Variants in CUX1 observed in about 807,000 individuals in gnomAD.
The protein encoded by CUX1 is cut like homeobox 1, also known as protein CASP.
CUX1 carries 31 observed loss-of-function variants against 158.8 expected under a neutral mutation model. That is an observed-to-expected ratio of 0.20 (90% CI 0.15 to 0.26). The LOEUF is 0.26. CUX1 is among the 10% of genes least tolerant of loss of function. The pLI, the probability that CUX1 is intolerant of heterozygous loss-of-function variation, is 1.00. For synonymous variants in CUX1, 879 were observed against 862.1 expected (o/e 1.02, Z -0.34); for missense variants, 1,589 against 2,014.6 (o/e 0.79, Z 4.04).
In CUX1 at chr7:102,248,336, G is replaced by T. The variant is rs1801045156; in HGVS notation, c.3888-76G>T. 1 of 1,352,020 alleles carries T rather than the reference G, an allele frequency of 7.4e-7. No homozygotes were observed. The highest frequency in any genetic ancestry group is 2.8e-5 in the East Asian group (1 of 35,744). The allele number at this position is 1,352,020 out of a possible 1,614,324, so 83.8% of individuals were successfully genotyped here. The stretch of plus-strand genomic sequence containing the variant: ...CGGAGCAGGAGCCCCAGAGAGAGGG[G>T]TCTGGCTGGGGTAGCACCAGAGGCC... On this transcript the variant is annotated intron_variant, in intron 23 of 23. Transcript: ENST00000292535. The surrounding 1 kb of genome is among the most constrained non-coding windows in gnomAD (Gnocchi z 5.8).
At chr7:102,139,518 G>A (rs1340797208) in intron 8 of CUX1, among the ~76,000 whole-genome samples, 1 of 152,196 alleles carries the variant, frequency 6.6e-6, no homozygotes, top group African/African-American at 2.4e-5. Flanking sequence ...TTTCCAGCCA[G>A]GCATGGTGGC....
At chr7:101,938,955 C>T (rs1307178042) in intron 2 of CUX1, among the ~76,000 whole-genome samples, 2 of 149,740 alleles carry the variant, frequency 1.3e-5, no homozygotes, top group African/African-American at 2.5e-5. Flanking sequence ...GCAGGAGAAT[C>T]GCTTGAACCT....
Position 102,195,503 on chromosome 7 carries a change from C to G in CUX1, c.1126-4C>G. 2 of 1,610,396 alleles carry G rather than the reference C, an allele frequency of 1.2e-6. No individual in the cohort carries two copies. The highest frequency in any genetic ancestry group is 1.7e-4 in the Middle Eastern group (1 of 6,012). Reference sequence around the variant, plus strand: ...CAGTGAGACCCCCGCTCTGCCCCTTCTAGGATGCGGCCAAGCCCCTGGAGG... The same window carrying G: ...CAGTGAGACCCCCGCTCTGCCCCTTGTAGGATGCGGCCAAGCCCCTGGAGG... On this transcript the variant is annotated splice_polypyrimidine_tract_variant and splice_region_variant and intron_variant, in intron 13 of 23. Coordinates refer to ENST00000292535, the MANE Select transcript of CUX1 (RefSeq NM_181552.4).
At chr7:102,219,921 C>T (rs1797640761) in intron 20 of CUX1, among the ~76,000 whole-genome samples, 2 of 152,208 alleles carry the variant, frequency 1.3e-5, no homozygotes, top group African/African-American at 4.8e-5. Flanking sequence ...CTGCTGGATT[C>T]AGAAGCAAGG....
chr7:101,940,257 G>A (rs1364856230), intron 2 of CUX1, among the ~76,000 whole-genome samples: 1 of 136,214 alleles, frequency 7.3e-6, no homozygotes, highest in Admixed American at 7.3e-5. Context: ...AAAAAAAAAA[G>A]AGGAGGTTTT....
chr7:102,219,837 GT>G, intron 20 of CUX1, among the ~76,000 whole-genome samples: 1 of 152,240 alleles, frequency 6.6e-6, no homozygotes, highest in Non-Finnish European at 1.5e-5. Context: ...AATACTGTAG[GT>G]TTTTATATGG....
rs568676700 is a variant in CUX1 at position 102,253,434 on chromosome 7, C to T, written c.*4392C>T. 2.0e-6 allele frequency: 2 copies of T among 985,486 alleles called. No individual in the cohort carries two copies. The highest frequency in any genetic ancestry group is 9.4e-5 in the South Asian group (2 of 21,292). The allele number at this position is 985,486 out of a possible 1,614,324, so 61.0% of individuals were successfully genotyped here. A position where few individuals can be genotyped will look rare whatever the true frequency, so the allele number is the denominator to read the frequency against. On this transcript the variant is annotated 3_prime_UTR_variant, in exon 24 of 24. Transcript: ENST00000292535. ...AGGGGAACAGGAGTCCCCAGGTGAG[C>T]TCTCTGACGGGCAGGTGCCTTCCCG...
chr7:101,897,061 C>T (rs1173584345), intron 1 of CUX1, among the ~76,000 whole-genome samples: 1 of 152,204 alleles, frequency 6.6e-6, no homozygotes, highest in Non-Finnish European at 1.5e-5. Flanking sequence ...TCAGCCAGCA[C>T]CCATTTACTC....
At chr7:102,045,406 C>T (rs1822632442) in intron 3 of CUX1, among the ~76,000 whole-genome samples, 1 of 152,248 alleles carries the variant, frequency 6.6e-6, no homozygotes, top group Non-Finnish European at 1.5e-5. Flanking sequence ...GCCCGCCCGG[C>T]GCTGCCGCCA....
intron 3 of CUX1, among the ~76,000 whole-genome samples, chr7:102,049,733 AC>A (rs1461978512): frequency 6.6e-6 from 1 of 152,202 alleles, no homozygotes; most frequent in Non-Finnish European, 1.5e-5. Context: ...ATCCATGGGT[AC>A]ATAGGAAGGG....
In CUX1 at chr7:102,249,859, A is replaced by G. The variant is rs981626469; in HGVS notation, c.*817A>G. On this transcript the variant is annotated 3_prime_UTR_variant, in exon 24 of 24. Coordinates refer to ENST00000292535, the MANE Select transcript of CUX1 (RefSeq NM_181552.4). The stretch of plus-strand genomic sequence containing the variant: ...TTAAAATAAAACACATTTACTCCAC[A>G]TATTTTTTAACAAAAAGAAAACGTC... 2 of 985,770 alleles carry G rather than the reference A, an allele frequency of 2.0e-6. No homozygotes were observed. The highest frequency in any genetic ancestry group is 9.4e-5 in the South Asian group (2 of 21,288). The allele number at this position is 985,770 out of a possible 1,614,324, so 61.1% of individuals were successfully genotyped here. A position where few individuals can be genotyped will look rare whatever the true frequency, so the allele number is the denominator to read the frequency against.
At chr7:102,034,477 G>C (rs908698553) in intron 3 of CUX1, among the ~76,000 whole-genome samples, 3 of 151,968 alleles carry the variant, frequency 2.0e-5, no homozygotes, top group African/African-American at 4.8e-5. Context: ...AAAACAGGCC[G>C]GGCACTGTGG....
intron 2 of CUX1, among the ~76,000 whole-genome samples, chr7:101,956,867 T>G (rs564097953): frequency 6.6e-6 from 1 of 152,304 alleles, no homozygotes; most frequent in Non-Finnish European, 1.5e-5. Flanking sequence ...GAGGATCGCT[T>G]GAGCCAGGGA....
At chr7:102,222,295 G>C (rs1472083098) in intron 20 of CUX1, among the ~76,000 whole-genome samples, 14 of 152,076 alleles carry the variant, frequency 9.2e-5, no homozygotes, top group Admixed American at 9.2e-4. Context: ...ATTAAAATGA[G>C]AGTGAAATGA....
rs1487585307 is a variant in CUX1 at position 101,821,651 on chromosome 7, CTTTTCTTTTTTTCTTTTTTCTTTT to C, written c.30+3987_30+4010del. Among the ~76,000 whole-genome samples, 632 of 95,302 alleles carry C rather than the reference CTTTTCTTTTTTTCTTTTTTCTTTT, an allele frequency of 6.6e-3. 6 individuals are homozygous for C. Among genetic ancestry groups the C allele is most frequent in the African/African-American group, 0.023 (606 of 25,942 alleles). The allele number at this position is 95,302 out of a possible 152,430, so 62.5% of individuals were successfully genotyped here. The stretch of plus-strand genomic sequence containing the variant: ...CCGTGCCCGGCCCCTATTTTCTTTT[CTTTTCTTTTTTTCTTTTTTCTTTT>C]TTTTTTTTTTTTTTTTTTTTTTGAG... On this transcript the variant is annotated intron_variant, in intron 1 of 23. Transcript: ENST00000292535.
chr7:102,037,193 TCAAA>T (rs10537664), intron 3 of CUX1, among the ~76,000 whole-genome samples: 60,732 of 151,682 alleles, frequency 0.4, 12,853 homozygotes, highest in Non-Finnish European at 0.46. Flanking sequence ...AGATCCTGTC[TCAAA>T]CAGACAGGCA....
intron 2 of CUX1, among the ~76,000 whole-genome samples, chr7:102,026,818 TAAAAAAAAAAAAAA>T (rs10533217): frequency 1.0e-5 from 1 of 96,316 alleles, no homozygotes; most frequent in African/African-American, 4.1e-5. Flanking sequence ...ACTCCGTCTT[TAAAAAAAAAAAAAA>T]AAAAAAAAAA....
intron 3 of CUX1, among the ~76,000 whole-genome samples, chr7:102,048,566 T>A (rs548170733): frequency 1.3e-5 from 2 of 152,204 alleles, no homozygotes; most frequent in Admixed American, 1.3e-4. Flanking sequence ...CAATGGCTCA[T>A]GCCTGTAATC....
intron 9 of CUX1, among the ~76,000 whole-genome samples, chr7:102,167,663 C>G (rs1274197187): frequency 2.0e-5 from 3 of 152,190 alleles, no homozygotes; most frequent in Non-Finnish European, 4.4e-5. Context: ...TTGAACTGAC[C>G]AGCAAGGGAG....
Sources: gnomAD v4.1 joint callset for allele counts (sites outside exome capture counted in the v4.1 genomes callset) on GRCh38, gnomAD v4.1.1 for gene constraint, Gnocchi (gnomAD v3.1) non-coding constraint, MANE v1.5 for transcripts, NCBI Gene and HGNC (gene_info 2026-07-23, HGNC 2026-07-21) for gene names.